The following ZNF277 variants were observed in gnomAD, a reference collection of about 807,000 sequenced individuals.
The protein encoded by ZNF277 is nuclear receptor-interacting factor 4.
A neutral mutation model predicts 60.7 loss-of-function variants in ZNF277; 55 were observed. The ratio of observed to expected loss-of-function variants is 0.91; its 90% confidence interval spans 0.73 to 1.13. ZNF277 has a LOEUF of 1.13. Among genes scored for constraint, ZNF277 ranks in the 50% most tolerant of loss-of-function variants. The probability of loss-of-function intolerance (pLI) is 0.00; values close to 1 mark genes in which losing one functional copy is unlikely to be tolerated. For synonymous variants in ZNF277, 178 were observed against 179.3 expected (o/e 0.99, Z 0.06); for missense variants, 510 against 523.0 (o/e 0.98, Z 0.24).
chr7:112,220,987 C>T (rs1430269109), intron 1 of ZNF277, among the ~76,000 whole-genome samples: 3 of 152,190 alleles, frequency 2.0e-5, no homozygotes, highest in African/African-American at 7.2e-5. Context: ...TCTTCTGGTC[C>T]GTGTTTGTTA....
chr7:112,288,568 A>G (rs969951737), intron 2 of ZNF277: 10 of 152,178 alleles, frequency 6.6e-5, no homozygotes, highest in African/African-American at 2.4e-4. Context: ...TCATCTATAA[A>G]ATGGGGGTAA....
At chr7:112,329,311 A>G (rs1158806150) in intron 6 of ZNF277, among the ~76,000 whole-genome samples, 1 of 152,198 alleles carries the variant, frequency 6.6e-6, no homozygotes, top group Non-Finnish European at 1.5e-5. Flanking sequence ...ATTATAATAC[A>G]TGTTGTATCA....
chr7:112,321,289 A>G (rs1487496200), intron 5 of ZNF277, among the ~76,000 whole-genome samples: 1 of 151,952 alleles, frequency 6.6e-6, no homozygotes, highest in Non-Finnish European at 1.5e-5. Context: ...TGCAATTAAC[A>G]TTTCAATTGA....
At chr7:112,270,882 G>A (rs898845883) in intron 1 of ZNF277, among the ~76,000 whole-genome samples, 4 of 151,782 alleles carry the variant, frequency 2.6e-5, no homozygotes, top group African/African-American at 9.7e-5. Context: ...TGTCTAAGCA[G>A]CTGGGAGTAG....
At chr7:112,298,611 G>A (rs1225468306) in intron 4 of ZNF277, among the ~76,000 whole-genome samples, 2 of 152,160 alleles carry the variant, frequency 1.3e-5, no homozygotes, top group Non-Finnish European at 2.9e-5. Flanking sequence ...AAGAGTAAAT[G>A]TAGCTGCGTA....
intron 1 of ZNF277, among the ~76,000 whole-genome samples, chr7:112,208,594 TTC>T (rs199527978): frequency 9.6e-5 from 14 of 146,234 alleles, no homozygotes; most frequent in Non-Finnish European, 1.5e-4. Flanking sequence ...ATTCTTCTTC[TTC>T]TTTTTTTTTT....
At chr7:112,292,209 G>C (rs1255980040) in intron 2 of ZNF277, among the ~76,000 whole-genome samples, 1 of 152,160 alleles carries the variant, frequency 6.6e-6, no homozygotes, top group South Asian at 2.1e-4. Flanking sequence ...ACATCAAAGA[G>C]ACAGTACTCA....
At chr7:112,312,940 TA>T (rs1433636858) in intron 4 of ZNF277, among the ~76,000 whole-genome samples, 1 of 152,152 alleles carries the variant, frequency 6.6e-6, no homozygotes, top group Non-Finnish European at 1.5e-5. Flanking sequence ...ATATTTAAAA[TA>T]TTTTTTTCAT....
At chr7:112,227,222 C>G (rs1822198210) in intron 1 of ZNF277, among the ~76,000 whole-genome samples, 1 of 152,182 alleles carries the variant, frequency 6.6e-6, no homozygotes. Flanking sequence ...GTGAAATTCA[C>G]TCATACTTCA....
chr7:112,321,180 C>T (rs1792973567), intron 5 of ZNF277, among the ~76,000 whole-genome samples: 1 of 151,954 alleles, frequency 6.6e-6, no homozygotes, highest in Admixed American at 6.6e-5. Flanking sequence ...CTCAGCCTCC[C>T]AAAGTGCTGG....
At chr7:112,224,185 T>G (rs1052721958) in intron 1 of ZNF277, among the ~76,000 whole-genome samples, 1 of 152,214 alleles carries the variant, frequency 6.6e-6, no homozygotes, top group Non-Finnish European at 1.5e-5. Flanking sequence ...CAGGAACTCC[T>G]ACAGTAGAGC....
chr7:112,261,917 C>G (rs904019957), intron 1 of ZNF277, among the ~76,000 whole-genome samples: 3 of 151,918 alleles, frequency 2.0e-5, no homozygotes, highest in Non-Finnish European at 4.4e-5. Flanking sequence ...TGACTTATAC[C>G]AAGGCACTAA....
At chr7:112,251,644 T>A (rs1432960705) in intron 1 of ZNF277, among the ~76,000 whole-genome samples, 1 of 152,208 alleles carries the variant, frequency 6.6e-6, no homozygotes, top group Non-Finnish European at 1.5e-5. Context: ...TTACTAGTGA[T>A]ACCCTTGGAC....
In ZNF277 at chr7:112,330,044, A is replaced by G. The variant is rs768083308; in HGVS notation, c.669-40A>G. 6.9e-5 allele frequency: 110 copies of G among 1,586,694 alleles called. 1 individual carries two copies. The East Asian group carries it at 2.4e-3, about 35-fold the overall frequency. ...AATAAAGGATTATTGCAGCAACTAT[A>G]CAAGAGACTTGTTTATCAGTGTTTG... On this transcript the variant is annotated intron_variant, in intron 6 of 11. Transcript: ENST00000361822.
chr7:112,268,077 A>G (rs1382178208), intron 1 of ZNF277, among the ~76,000 whole-genome samples: 1 of 152,184 alleles, frequency 6.6e-6, no homozygotes, highest in Non-Finnish European at 1.5e-5. Flanking sequence ...TAATTTTCCT[A>G]TAAATCAAAT....
chr7:112,286,217 C>G (rs146228447), intron 1 of ZNF277, among the ~76,000 whole-genome samples: 1 of 152,140 alleles, frequency 6.6e-6, no homozygotes, highest in African/African-American at 2.4e-5. Context: ...GTCTAGTGAT[C>G]GAGCAGTCAT....
rs374747032 is a variant in ZNF277 at position 112,264,985 on chromosome 7, T to C, written c.92-21888T>C. ...TGGTTGCTGAAGGTTGGGGTGGCTG[T>C]GGCAATTTCTTAACAAAAGACAACA... is the stretch of plus-strand genomic sequence containing the variant. On this transcript the variant is annotated intron_variant, in intron 1 of 11. Coordinates refer to ENST00000361822, the MANE Select transcript of ZNF277 (RefSeq NM_021994.3). 6.0e-4 allele frequency among the ~76,000 whole-genome samples: 91 copies of C among 152,310 alleles called. 1 individual carries two copies. In the South Asian group the frequency reaches 0.015, roughly 25 times the overall value.
chr7:112,295,499 G>A (rs1326663981), intron 2 of ZNF277, among the ~76,000 whole-genome samples: 1 of 152,056 alleles, frequency 6.6e-6, no homozygotes, highest in Admixed American at 6.6e-5. Flanking sequence ...TGCAGAGTGT[G>A]TCATAGCCTA....
At chr7:112,226,755 T>C (rs2116970727) in intron 1 of ZNF277, among the ~76,000 whole-genome samples, 1 of 152,344 alleles carries the variant, frequency 6.6e-6, no homozygotes, top group Middle Eastern at 3.4e-3. Context: ...TGTGGTATCA[T>C]TGTCAGAAAT....
Sources: allele counts gnomAD v4.1 joint callset (sites outside exome capture counted in the v4.1 genomes callset), GRCh38; gene constraint gnomAD v4.1.1; transcripts MANE v1.5; gene names NCBI Gene and HGNC (gene_info 2026-07-23, HGNC 2026-07-21).